Variants in HTRA4 observed in about 807,000 individuals in gnomAD.
HTRA4 encodes the protein serine protease HTRA4.
In HTRA4, 46 loss-of-function variants were observed where a neutral mutation model predicts 49.1. That is an observed-to-expected ratio of 0.94 (90% CI 0.74 to 1.20). The LOEUF is 1.20. HTRA4 is among the 50% of genes most tolerant of loss of function. HTRA4 has a pLI of 0.00. For missense variants in HTRA4, 602 were observed against 636.9 expected (o/e 0.95, Z 0.59); for synonymous variants, 261 against 264.0 (o/e 0.99, Z 0.11).
chr8:38,985,192 C>T lies in HTRA4; in HGVS notation c.1268+2144C>T, dbSNP rs576327032. Among the ~76,000 whole-genome samples the T allele has an allele frequency of 5.2e-4, 70 of 133,584 alleles. 2 individuals carry two copies. The East Asian group carries it at 0.015, about 29-fold the overall frequency. 87.6% of individuals were successfully genotyped at this position (133,584 alleles called of 152,430 possible). A position where few individuals can be genotyped will look rare whatever the true frequency, so the allele number is the denominator to read the frequency against. On this transcript the variant is annotated intron_variant, in intron 8 of 8. Transcript: ENST00000302495. ...TTTTTTTTTTTTTGAGACGGAGTCTCGCTCTGTCACCAGGCTGGAGTGCAG... is the reference window on the plus strand; with the variant it reads ...TTTTTTTTTTTTTGAGACGGAGTCTTGCTCTGTCACCAGGCTGGAGTGCAG...
At chr8:38,977,127 G>A (rs1413342739) in intron 3 of HTRA4, among the ~76,000 whole-genome samples, 2 of 151,978 alleles carry the variant, frequency 1.3e-5, no homozygotes, top group South Asian at 2.1e-4. Flanking sequence ...GTAGAGACTG[G>A]GTTTTACCAT....
intron 3 of HTRA4, among the ~76,000 whole-genome samples, chr8:38,977,471 G>A (rs946883608): frequency 8.5e-5 from 13 of 152,092 alleles, no homozygotes; most frequent in African/African-American, 3.1e-4. Flanking sequence ...CAGAGTCTCA[G>A]CCTTTACCCA....
At position 38,981,684 on chromosome 8, in the gene HTRA4, G is replaced by A. The variant is rs1371992288; in HGVS notation, c.1031G>A (p.Arg344Lys). Reference sequence around the variant, plus strand: ...GATGTGATTGGCGTCAATTCATTGAGGGTGACTGATGGAATCTCCTTTGCA... The same window carrying A: ...GATGTGATTGGCGTCAATTCATTGAAGGTGACTGATGGAATCTCCTTTGCA... Reference protein sequence around the residue: ...DGDVIGVNSLRVTDGISFAIP... With the variant: ...DGDVIGVNSLKVTDGISFAIP... The change falls in exon 6 of 9, where the codon AGG (arginine) becomes AAG (lysine). Residue 344 changes from arginine (R) to lysine (K), a missense_variant. Coordinates refer to ENST00000302495, the MANE Select transcript of HTRA4 (RefSeq NM_153692.4). 13 of 1,613,340 alleles carry A rather than the reference G, an allele frequency of 8.1e-6. No homozygotes were observed. Among genetic ancestry groups the A allele is most frequent in the African/African-American group, 2.7e-5 (2 of 74,686 alleles).
At chr8:38,980,444 C>A (rs1835404467) in intron 5 of HTRA4, among the ~76,000 whole-genome samples, 1 of 152,014 alleles carries the variant, frequency 6.6e-6, no homozygotes, top group South Asian at 2.1e-4. Flanking sequence ...AATCTCTTTT[C>A]TGGCTGGGTA....
chr8:38,975,397 A>G (rs949044252), intron 2 of HTRA4, among the ~76,000 whole-genome samples: 33 of 152,260 alleles, frequency 2.2e-4, no homozygotes, highest in African/African-American at 7.5e-4. Context: ...GGTCAGATAT[A>G]AGAGCTAGTA....
At chr8:38,979,361 C>G (rs1171116092) in intron 5 of HTRA4, 114 bp downstream of exon 5, 1 of 937,492 alleles carries the variant, frequency 1.1e-6, no homozygotes, top group Non-Finnish European at 1.8e-6. Flanking sequence ...TTTGGGATGA[C>G]TGCTTGGGGC....
chr8:38,974,767 A>G (rs1835324584), intron 1 of HTRA4, 38 bp downstream of exon 1: 3 of 1,414,248 alleles, frequency 2.1e-6, no homozygotes, highest in Non-Finnish European at 2.8e-6. Context: ...AACACTTTCT[A>G]ACTCTGGAGG....
Position 38,983,000 on chromosome 8 carries a change from G to A in HTRA4, c.1220G>A (p.Ser407Asn), listed in dbSNP as rs187664938. ...CATTATCCAGATTTCCCTGATGTGA[G>A]TTCTGGGGTTTATGTATGTAAAGTG... ...KMHYPDFPDVSSGVYVCKVVE... is the reference protein window; with the variant it reads ...KMHYPDFPDVNSGVYVCKVVE... The change falls in exon 8 of 9, where the codon AGT becomes AAT. Residue 407 changes from serine to asparagine, a missense_variant. By Grantham distance (46) the Ser-to-Asn change is conservative. Transcript: ENST00000302495. 25 of 1,613,962 alleles carry A rather than the reference G, an allele frequency of 1.5e-5. No homozygotes were observed. In the East Asian group the frequency reaches 4.2e-4, roughly 27 times the overall value.
Position 38,977,939 on chromosome 8 carries a change from T to C in HTRA4, c.772-14T>C. The stretch of plus-strand genomic sequence containing the variant: ...CCCTTTCTGTCCTCCCCATCCCTTT[T>C]TGGGCACGTGCAGGCTGAACTTCCT... On this transcript the variant is annotated splice_polypyrimidine_tract_variant and intron_variant, in intron 3 of 8. Coordinates refer to ENST00000302495, the MANE Select transcript of HTRA4 (RefSeq NM_153692.4). 1 of 1,611,982 alleles carries C rather than the reference T, an allele frequency of 6.2e-7. No homozygotes were observed.
intron 8 of HTRA4, among the ~76,000 whole-genome samples, chr8:38,985,438 C>G (rs563625578): frequency 1.3e-5 from 2 of 152,292 alleles, no homozygotes; most frequent in South Asian, 4.1e-4. Context: ...GGATTACAGG[C>G]GTGAGCCACC....
chr8:38,984,307 T>C (rs1835459030), intron 8 of HTRA4, among the ~76,000 whole-genome samples: 1 of 151,758 alleles, frequency 6.6e-6, no homozygotes, highest in South Asian at 2.1e-4. Context: ...GGCCATATTT[T>C]AGGTATTTTA....
rs1447148935 is a variant in HTRA4 at position 38,974,304 on chromosome 8, G to T, written c.41G>T (p.Cys14Phe). 1 of 1,612,526 alleles carries T rather than the reference G, an allele frequency of 6.2e-7. No individual in the cohort carries two copies. The highest frequency in any genetic ancestry group is 2.2e-5 in the East Asian group (1 of 44,828). The change falls in exon 1 of 9, where the codon TGC (cysteine) becomes TTC (phenylalanine). Residue 14 changes from cysteine (C) to phenylalanine (F), a missense_variant. Transcript: ENST00000302495. Reference protein sequence around the residue: ...PQLRTAGLGRCLLPGLLLLLV... With the variant: ...PQLRTAGLGRFLLPGLLLLLV... ...CTGCGGACCGCGGGGCTGGGACGATGCCTCCTGCCGGGGCTGCTGCTGCTC... is the reference window on the plus strand; with the variant it reads ...CTGCGGACCGCGGGGCTGGGACGATTCCTCCTGCCGGGGCTGCTGCTGCTC...
chr8:38,976,406 A>C (rs1193487410), intron 2 of HTRA4, 129 bp from the exon 3 acceptor site: 1 of 913,942 alleles, frequency 1.1e-6, no homozygotes, highest in Admixed American at 2.6e-5. Context: ...TCAAAAAAGA[A>C]AAAAGAAAAG....
chr8:38,980,284 T>TG (rs1835402246), intron 5 of HTRA4, among the ~76,000 whole-genome samples: 1 of 152,152 alleles, frequency 6.6e-6, no homozygotes, highest in Non-Finnish European at 1.5e-5. Flanking sequence ...GTTTTTTTTT[T>TG]TTTACTCATA....
chr8:38,979,302 T>TAA, intron 5 of HTRA4, 55 bp downstream of exon 5: 1 of 1,528,832 alleles, frequency 6.5e-7, no homozygotes, highest in Non-Finnish European at 9.1e-7. Context: ...TCAAAGACTT[T>TAA]ATTAATTCCA....
chr8:38,975,593 A>G (rs1835340544), intron 2 of HTRA4, among the ~76,000 whole-genome samples: 1 of 152,070 alleles, frequency 6.6e-6, no homozygotes, highest in Admixed American at 6.5e-5. Context: ...ATTTTTTTGT[A>G]GAGACGAGGT....
Position 38,974,631 on chromosome 8 carries a change from A to G in HTRA4, c.368A>G (p.Tyr123Cys). 1.4e-6 allele frequency: 2 copies of G among 1,422,576 alleles called. No homozygotes were observed. Among genetic ancestry groups the G allele is most frequent in the South Asian group, 1.5e-5 (1 of 67,368 alleles). The allele number at this position is 1,422,576 out of a possible 1,614,324, so 88.1% of individuals were successfully genotyped here. The change falls in exon 1 of 9, where the codon TAC becomes TGC. Residue 123 changes from tyrosine to cysteine, a missense_variant. Coordinates refer to ENST00000302495, the MANE Select transcript of HTRA4 (RefSeq NM_153692.4). ...GTGTGCGGCAGCGACAGGCGCACCT[A>G]CCCCAGCATGTGCGCGCTCCGGGCC... is the stretch of plus-strand genomic sequence containing the variant. ...GAVCGSDRRT[Y>C]PSMCALRAEN...
At position 38,982,941 on chromosome 8, in the gene HTRA4, C is replaced by T; in HGVS notation, c.1173-12C>T. The T allele has an allele frequency of 6.3e-7, 1 of 1,578,078 alleles. No homozygotes were observed. On this transcript the variant is annotated splice_polypyrimidine_tract_variant and intron_variant, in intron 7 of 8. Coordinates refer to ENST00000302495, the MANE Select transcript of HTRA4 (RefSeq NM_153692.4). Reference sequence around the variant, plus strand: ...CTAATTCATTGTTTCCTAATCTTCTCACTTCTCTTAGCCTTAGTGAAGAAT... The same window carrying T: ...CTAATTCATTGTTTCCTAATCTTCTTACTTCTCTTAGCCTTAGTGAAGAAT...
chr8:38,975,200 C>CT, intron 2 of HTRA4, 70 bp downstream of exon 2: 1 of 1,452,090 alleles, frequency 6.9e-7, no homozygotes, highest in South Asian at 1.1e-5. Context: ...GCTCCAGACC[C>CT]TTCGCAAGCG....
Sources: gnomAD v4.1 joint callset for allele counts (sites outside exome capture counted in the v4.1 genomes callset) on GRCh38, gnomAD v4.1.1 for gene constraint, MANE v1.5 for transcripts, NCBI Gene and HGNC (gene_info 2026-07-23, HGNC 2026-07-21) for gene names.